Variants in SPATS2 observed in about 807,000 individuals in gnomAD.
SPATS2 encodes spermatogenesis associated serine rich 2, also known as spermatogenesis-associated serine-rich protein 2.
A neutral mutation model predicts 63.7 loss-of-function variants in SPATS2; 38 were observed. That is an observed-to-expected ratio of 0.60 (90% CI 0.46 to 0.78). The LOEUF (loss-of-function observed/expected upper bound fraction) is 0.78. SPATS2 is among the 30% of genes least tolerant of loss of function. SPATS2 has a pLI of 0.00. For missense variants in SPATS2, 588 were observed against 666.2 expected (o/e 0.88, Z 1.29); for synonymous variants, 207 against 232.9 (o/e 0.89, Z 1.01).
chr12:49,377,865 C>T (rs1468546421), intron 2 of SPATS2, among the ~76,000 whole-genome samples: 1 of 152,190 alleles, frequency 6.6e-6, no homozygotes, highest in Non-Finnish European at 1.5e-5. Context: ...TACCTACTCC[C>T]TTGGTCAAGT....
chr12:49,421,624 A>G (rs964698541), intron 2 of SPATS2, among the ~76,000 whole-genome samples: 2 of 152,096 alleles, frequency 1.3e-5, no homozygotes, highest in Non-Finnish European at 2.9e-5. Context: ...TTTCCCCTAC[A>G]TCATAAAAAG....
intron 2 of SPATS2, among the ~76,000 whole-genome samples, chr12:49,428,275 A>C (rs1945119330): frequency 8.3e-6 from 1 of 120,564 alleles, no homozygotes; most frequent in African/African-American, 3.4e-5. Context: ...CAAACAAACA[A>C]AAAAAAAAAA....
chr12:49,389,573 A>G (rs1299820378), intron 2 of SPATS2: 1 of 1,024,054 alleles, frequency 9.8e-7, no homozygotes, highest in South Asian at 1.3e-5. Flanking sequence ...TGAAAGATTA[A>G]GAGATCACGA....
At chr12:49,522,632 A>G (rs1345574998) in intron 11 of SPATS2, 119 bp from the exon 12 acceptor site, 1 of 740,898 alleles carries the variant, frequency 1.3e-6, no homozygotes, top group East Asian at 2.9e-5. Context: ...ATGGCCATTT[A>G]ATAAACTTTG....
At chr12:49,376,414 T>A (rs1271407682) in intron 2 of SPATS2, among the ~76,000 whole-genome samples, 3 of 151,902 alleles carry the variant, frequency 2.0e-5, no homozygotes, top group African/African-American at 7.3e-5. Flanking sequence ...TGATTTTTTT[T>A]AAGTCAGAGT....
chr12:49,389,250 C>G (rs1402173214), intron 2 of SPATS2, among the ~76,000 whole-genome samples: 1 of 152,210 alleles, frequency 6.6e-6, no homozygotes, highest in Non-Finnish European at 1.5e-5. Flanking sequence ...GGAAGGAAAT[C>G]TCGCAAGGCT....
At chr12:49,389,432 T>G in intron 2 of SPATS2, 1 of 626,840 alleles carries the variant, frequency 1.6e-6, no homozygotes, top group South Asian at 1.9e-5. Context: ...CTTGGGTGCA[T>G]AGGTCCCGGT....
chr12:49,424,913 C>T (rs967897239), intron 2 of SPATS2, among the ~76,000 whole-genome samples: 4 of 152,146 alleles, frequency 2.6e-5, no homozygotes, highest in African/African-American at 9.7e-5. Flanking sequence ...CTCCTGACCT[C>T]GGATGATCCA....
At chr12:49,388,620 C>T (rs1052313699) in intron 2 of SPATS2, among the ~76,000 whole-genome samples, 10 of 151,884 alleles carry the variant, frequency 6.6e-5, no homozygotes, top group African/African-American at 2.4e-4. Context: ...AAGTAATCCA[C>T]CTGTCTCAGC....
rs145144190 is a variant in SPATS2 at position 49,518,414 on chromosome 12, G to A, written c.899-659G>A. Among the ~76,000 whole-genome samples the A allele has an allele frequency of 1.0e-3, 154 of 152,280 alleles. 1 individual carries two copies. The highest frequency in any genetic ancestry group is 3.4e-3 in the African/African-American group (142 of 41,564). On this transcript the variant is annotated intron_variant, in intron 10 of 13. Coordinates refer to ENST00000552918, the MANE Select transcript of SPATS2 (RefSeq NM_023071.4). ...CAGAGAAGGTGGTTCTTAAAAGGGT[G>A]TAACAATCTAAATACCCATCACTAG...
At chr12:49,442,992 A>AATCCTTAC (rs1339914873) in intron 2 of SPATS2, among the ~76,000 whole-genome samples, 2 of 152,080 alleles carry the variant, frequency 1.3e-5, no homozygotes, top group African/African-American at 4.8e-5. Context: ...ACATAAGTGG[A>AATCCTTAC]ATCCTTACAA....
intron 2 of SPATS2, among the ~76,000 whole-genome samples, chr12:49,394,184 A>G (rs1274579293): frequency 6.6e-6 from 1 of 152,050 alleles, no homozygotes; most frequent in African/African-American, 2.4e-5. Context: ...CCAAAAATAC[A>G]AAAATTAGCC....
chr12:49,426,061 G>T (rs1413373916), intron 2 of SPATS2, among the ~76,000 whole-genome samples: 1 of 152,240 alleles, frequency 6.6e-6, no homozygotes, highest in African/African-American at 2.4e-5. Flanking sequence ...AAGCCTGCGT[G>T]TACGCCAGTG....
intron 2 of SPATS2, among the ~76,000 whole-genome samples, chr12:49,405,694 G>A (rs1357911040): frequency 6.6e-6 from 1 of 152,070 alleles, no homozygotes; most frequent in Non-Finnish European, 1.5e-5. Context: ...CAGCCTGGGC[G>A]ACAGAGCGAG....
At chr12:49,439,431 C>A (rs1945376906) in intron 2 of SPATS2, among the ~76,000 whole-genome samples, 1 of 152,082 alleles carries the variant, frequency 6.6e-6, no homozygotes, top group African/African-American at 2.4e-5. Context: ...ACTCAGGAAG[C>A]TATGATAATA....
intron 2 of SPATS2, among the ~76,000 whole-genome samples, chr12:49,449,761 G>A (rs1277118813): frequency 1.3e-5 from 2 of 152,116 alleles, no homozygotes; most frequent in South Asian, 2.1e-4. Flanking sequence ...ATTCACTACC[G>A]TGAGAACAGT....
chr12:49,393,819 A>G (rs1333076554), intron 2 of SPATS2, among the ~76,000 whole-genome samples: 8 of 151,988 alleles, frequency 5.3e-5, no homozygotes, highest in African/African-American at 1.9e-4. Context: ...TTTCCTTTCA[A>G]TAGCAGGCCA....
rs184914927 is a variant in SPATS2, at chr12:49,490,877, C to T, written c.264+146C>T. Reference sequence around the variant, plus strand: ...ACATCTTTGGCCAGGTGCAGGGGCTCACACCTGTAATCCCAGCACTTTAGG... The same window carrying T: ...ACATCTTTGGCCAGGTGCAGGGGCTTACACCTGTAATCCCAGCACTTTAGG... On this transcript the variant is annotated intron_variant, in intron 6 of 13. Coordinates refer to ENST00000552918, the MANE Select transcript of SPATS2 (RefSeq NM_023071.4). 5.3e-5 allele frequency: 37 copies of T among 702,240 alleles called. No homozygotes were observed. In the East Asian group the frequency reaches 9.2e-4, roughly 17 times the overall value. The allele number at this position is 702,240 out of a possible 1,614,324, so 43.5% of individuals were successfully genotyped here. A position where few individuals can be genotyped will look rare whatever the true frequency, so the allele number is the denominator to read the frequency against.
At chr12:49,468,829 A>G (rs939875373) in intron 3 of SPATS2, among the ~76,000 whole-genome samples, 1 of 152,130 alleles carries the variant, frequency 6.6e-6, no homozygotes, top group Non-Finnish European at 1.5e-5. Context: ...ACTTTTGAGA[A>G]CTGTGGTAAT....
Sources: gnomAD v4.1 joint callset for allele counts (sites outside exome capture counted in the v4.1 genomes callset) on GRCh38, gnomAD v4.1.1 for gene constraint, MANE v1.5 for transcripts, NCBI Gene and HGNC (gene_info 2026-07-23, HGNC 2026-07-21) for gene names.